MYO5A: variants seen among roughly 807,000 people sequenced by gnomAD.
MYO5A encodes myosin VA, also known as unconventional myosin-Va.
Under a neutral mutation model 249.7 loss-of-function variants are expected in MYO5A, and 98 were observed. The ratio of observed to expected loss-of-function variants is 0.39; its 90% CI spans 0.33 to 0.46. MYO5A has a LOEUF of 0.46. MYO5A is among the 20% of genes least tolerant of loss of function. The pLI is 0.98. For synonymous variants in MYO5A, 778 were observed against 810.6 expected, an observed-to-expected ratio of 0.96 and a Z score of 0.68; for missense variants, 1,696 against 2,308.8, an observed-to-expected ratio of 0.73 and a Z score of 5.44.
chr15:52,411,174 A>C (rs868211349), intron 5 of MYO5A, among the ~76,000 whole-genome samples: 1 of 152,284 alleles, frequency 6.6e-6, no homozygotes, highest in Middle Eastern at 3.4e-3. Flanking sequence ...AAAAAACTTC[A>C]CCTGCTTTAC....
intron 10 of MYO5A, 129 bp from the exon 11 acceptor site, chr15:52,396,526 T>C: frequency 3.1e-6 from 2 of 635,044 alleles, no homozygotes; most frequent in Non-Finnish European, 5.5e-6. Flanking sequence ...TCTTTCCATA[T>C]CAGTGAAAAT....
intron 16 of MYO5A, among the ~76,000 whole-genome samples, chr15:52,381,552 C>A (rs2041738742): frequency 6.6e-6 from 1 of 152,066 alleles, no homozygotes; most frequent in African/African-American, 2.4e-5. Flanking sequence ...ATGTTTGGCA[C>A]AGGATGTTTA....
At chr15:52,323,471 G>T in intron 36 of MYO5A, 27 bp from the exon 37 acceptor site, 3 of 1,575,022 alleles carry the variant, frequency 1.9e-6, no homozygotes, top group Non-Finnish European at 2.6e-6. Flanking sequence ...GTCTAAACTT[G>T]CCTTTTCCTT....
chr15:52,486,103 A>G (rs902324188), intron 1 of MYO5A, among the ~76,000 whole-genome samples: 5 of 152,126 alleles, frequency 3.3e-5, no homozygotes, highest in Non-Finnish European at 7.4e-5. Flanking sequence ...TCAAATTCCA[A>G]TTCAACACGT....
At chr15:52,509,543 A>T (rs1595818851) in intron 1 of MYO5A, among the ~76,000 whole-genome samples, 2 of 152,240 alleles carry the variant, frequency 1.3e-5, no homozygotes, top group African/African-American at 2.4e-5. Context: ...CTCTCCCTCC[A>T]ATAACCTGGC....
chr15:52,467,430 G>T (rs1417324803), intron 1 of MYO5A, among the ~76,000 whole-genome samples: 2 of 152,062 alleles, frequency 1.3e-5, no homozygotes, highest in African/African-American at 4.8e-5. Context: ...CAGAAAAAAA[G>T]AATCTCAAAA....
intron 41 of MYO5A, 113 bp from the exon 42 acceptor site, chr15:52,313,961 T>G (rs2037868166): frequency 2.8e-6 from 4 of 1,429,522 alleles, no homozygotes; most frequent in Non-Finnish European, 3.9e-6. Flanking sequence ...ATGTTTACTT[T>G]TGTTTTAAAC....
chr15:52,515,935 G>A (rs1188376928), intron 1 of MYO5A, among the ~76,000 whole-genome samples: 1 of 152,042 alleles, frequency 6.6e-6, no homozygotes, highest in Non-Finnish European at 1.5e-5. Flanking sequence ...AGAGAGAAAG[G>A]AGAATGACAG....
At chr15:52,359,207 T>C (rs965280322) in intron 25 of MYO5A, among the ~76,000 whole-genome samples, 3 of 152,238 alleles carry the variant, frequency 2.0e-5, no homozygotes, top group Non-Finnish European at 2.9e-5. Flanking sequence ...TCAATTTCTC[T>C]AGCTATTCTA....
At chr15:52,358,384 GAAGTCCT>G (rs962866038) in intron 25 of MYO5A, among the ~76,000 whole-genome samples, 1 of 152,152 alleles carries the variant, frequency 6.6e-6, no homozygotes, top group African/African-American at 2.4e-5. Flanking sequence ...TGAAGGCTCA[GAAGTCCT>G]AATTTTTAAA....
At chr15:52,402,550 A>C (rs7178069) in intron 9 of MYO5A, among the ~76,000 whole-genome samples, 1 of 152,138 alleles carries the variant, frequency 6.6e-6, no homozygotes, top group Non-Finnish European at 1.5e-5. Flanking sequence ...AGTAACTTTT[A>C]AAGCTCATTT....
intron 1 of MYO5A, among the ~76,000 whole-genome samples, chr15:52,495,674 T>C (rs2077023626): frequency 6.6e-6 from 1 of 152,160 alleles, no homozygotes. Flanking sequence ...TACTTGTCAA[T>C]TAAAATAAGT....
At chr15:52,412,948 G>C (rs994102721) in intron 5 of MYO5A, among the ~76,000 whole-genome samples, 1 of 152,056 alleles carries the variant, frequency 6.6e-6, no homozygotes, top group Non-Finnish European at 1.5e-5. Flanking sequence ...AAGAGTTCAA[G>C]ACCAGCCTGA....
At chr15:52,489,307 G>C (rs1334612982) in intron 1 of MYO5A, among the ~76,000 whole-genome samples, 1 of 152,208 alleles carries the variant, frequency 6.6e-6, no homozygotes, top group African/African-American at 2.4e-5. Context: ...GCTCATGCCT[G>C]TAATCCCAGC....
chr15:52,327,279 A>T (rs2140948144), intron 36 of MYO5A, among the ~76,000 whole-genome samples: 1 of 152,338 alleles, frequency 6.6e-6, no homozygotes, highest in South Asian at 2.1e-4. Context: ...GTCCATGAAT[A>T]AAGTTAGTTT....
chr15:52,393,202 G>C (rs1169181809), intron 11 of MYO5A, among the ~76,000 whole-genome samples: 1 of 152,048 alleles, frequency 6.6e-6, no homozygotes, highest in Non-Finnish European at 1.5e-5. Context: ...CACAAATCTT[G>C]CTATTTTTGT....
At chr15:52,372,454 C>A in intron 20 of MYO5A, 91 bp from the exon 21 acceptor site, 1 of 1,528,284 alleles carries the variant, frequency 6.5e-7, no homozygotes, top group East Asian at 2.3e-5. Context: ...CACACATTAC[C>A]TAGAGGAAAA....
At chr15:52,393,464 G>A (rs2042346414) in intron 11 of MYO5A, among the ~76,000 whole-genome samples, 1 of 151,840 alleles carries the variant, frequency 6.6e-6, no homozygotes, top group South Asian at 2.1e-4. Flanking sequence ...CACAGTCTGG[G>A]CTCACTGCAA....
intron 1 of MYO5A, among the ~76,000 whole-genome samples, chr15:52,461,190 C>T (rs746284162): frequency 3.1e-4 from 47 of 152,072 alleles, no homozygotes; most frequent in Non-Finnish European, 5.4e-4. Flanking sequence ...TGGGCTCAAG[C>T]GATCCTCCTA....
Sources: allele counts gnomAD v4.1 joint callset (sites outside exome capture counted in the v4.1 genomes callset), GRCh38; gene constraint gnomAD v4.1.1; transcripts MANE v1.5; gene names NCBI Gene and HGNC (gene_info 2026-07-23, HGNC 2026-07-21).